Variants in ZNF717 observed in about 807,000 individuals in gnomAD.
ZNF717 encodes the protein zinc finger protein 717.
Under a neutral mutation model 13.8 loss-of-function variants are expected in ZNF717, and 9 were observed. That is an observed-to-expected ratio of 0.65 (90% CI 0.39 to 1.14). The LOEUF (loss-of-function observed/expected upper bound fraction) is 1.14. Ranked by LOEUF, ZNF717 falls within the 50% of genes most tolerant of loss-of-function variation. ZNF717 has a pLI of 0.01. For missense variants in ZNF717, 1,040 were observed against 1,080.7 expected (o/e 0.96, Z 0.53); for synonymous variants, 327 against 364.1 (o/e 0.90, Z 1.16).
intron 2 of ZNF717, among the ~76,000 whole-genome samples, chr3:75,768,305 G>A (rs528677233): frequency 1.7e-4 from 18 of 108,692 alleles, no homozygotes; most frequent in Admixed American, 6.3e-4. Flanking sequence ...TGAGTGTGTC[G>A]GGGGGCAGAT....
At chr3:75,756,074 C>T (rs929199686) in intron 2 of ZNF717, among the ~76,000 whole-genome samples, 4 of 152,256 alleles carry the variant, frequency 2.6e-5, no homozygotes, top group Non-Finnish European at 5.9e-5. Flanking sequence ...CACCATTTTT[C>T]CTACAGCACG....
At chr3:75,718,887 C>T (rs1653845769) in intron 4 of ZNF717, among the ~76,000 whole-genome samples, 2 of 152,108 alleles carry the variant, frequency 1.3e-5, no homozygotes, top group African/African-American at 4.8e-5. Context: ...GGGATGGGGA[C>T]CACTGAGTTA....
At chr3:75,750,797 A>G (rs1187308306) in intron 2 of ZNF717, among the ~76,000 whole-genome samples, 1 of 151,804 alleles carries the variant, frequency 6.6e-6, no homozygotes, top group Non-Finnish European at 1.5e-5. Flanking sequence ...TCTCCCTCAC[A>G]TAGGATTCCA....
chr3:75,698,064 G>A (rs796302075), intron 6 of ZNF717, among the ~76,000 whole-genome samples: 1 of 152,284 alleles, frequency 6.6e-6, no homozygotes, highest in Admixed American at 6.5e-5. Flanking sequence ...ATGATTTAGG[G>A]TTTCTGTTGG....
At chr3:75,765,252 T>C (rs372364193) in intron 2 of ZNF717, among the ~76,000 whole-genome samples, 3 of 101,582 alleles carry the variant, frequency 3.0e-5, no homozygotes, top group Admixed American at 2.1e-4. Context: ...AGTTGTTGAA[T>C]GGGTATAGAG....
chr3:75,717,083 C>T (rs1575719533), intron 4 of ZNF717, among the ~76,000 whole-genome samples: 1 of 152,204 alleles, frequency 6.6e-6, no homozygotes, highest in African/African-American at 2.4e-5. Context: ...AGGTTTTGCA[C>T]AATTTGGGGA....
Position 75,736,680 on chromosome 3 carries a change from A to AT in ZNF717, c.*197dup. The stretch of plus-strand genomic sequence containing the variant: ...TATATGAGCTTCTAGGAAAACAGCC[A>AT]TATCTGTGACATTAAAGTGCAAAGT... On this transcript the variant is annotated 3_prime_UTR_variant, in exon 5 of 5. Transcript: ENST00000652011. The AT allele has an allele frequency of 1.7e-6, 1 of 576,530 alleles. No homozygotes were observed. The highest frequency in any genetic ancestry group is 2.8e-5 in the East Asian group (1 of 35,220). The allele number at this position is 576,530 out of a possible 1,614,324, so 35.7% of individuals were successfully genotyped here. A position where few individuals can be genotyped will look rare whatever the true frequency, so the allele number is the denominator to read the frequency against.
intron 2 of ZNF717, among the ~76,000 whole-genome samples, chr3:75,751,359 T>G (rs1435964323): frequency 9.9e-5 from 15 of 151,450 alleles, no homozygotes; most frequent in Non-Finnish European, 1.9e-4. Context: ...AGCATCTGAA[T>G]GCTTGTCCCT....
intron 5 of ZNF717, among the ~76,000 whole-genome samples, chr3:75,713,283 T>A (rs1157313102): frequency 1.4e-4 from 21 of 152,170 alleles, no homozygotes; most frequent in African/African-American, 4.8e-4. Context: ...CCCCAGTAGC[T>A]GGGACTACAG....
At chr3:75,756,500 ATT>A (rs1942488716) in intron 2 of ZNF717, among the ~76,000 whole-genome samples, 1 of 138,800 alleles carries the variant, frequency 7.2e-6, no homozygotes, top group African/African-American at 2.6e-5. Flanking sequence ...ACTTAGCCAA[ATT>A]GTGAATGCAA....
chr3:75,697,500 CCT>C (rs1435923688), intron 6 of ZNF717, among the ~76,000 whole-genome samples: 141 of 150,446 alleles, frequency 9.4e-4, no homozygotes, highest in Non-Finnish European at 1.5e-3. Context: ...ACAACTTGCA[CCT>C]CTGTTTTTCA....
chr3:75,754,218 A>C (rs1480065351), intron 2 of ZNF717, among the ~76,000 whole-genome samples: 4 of 152,230 alleles, frequency 2.6e-5, no homozygotes, highest in Non-Finnish European at 5.9e-5. Context: ...TAGCCACCTA[A>C]AGAGAAGAAG....
At chr3:75,727,626 T>C (rs1332566941), downstream of ZNF717, among the ~76,000 whole-genome samples, 2 of 152,234 alleles carry the variant, frequency 1.3e-5, no homozygotes, top group African/African-American at 4.8e-5. Flanking sequence ...GATTGGGAAA[T>C]TCCAGCCTGG....
At chr3:75,763,919 C>T (rs1385754511) in intron 2 of ZNF717, among the ~76,000 whole-genome samples, 1 of 152,198 alleles carries the variant, frequency 6.6e-6, no homozygotes, top group African/African-American at 2.4e-5. Flanking sequence ...TCTAAAGCAA[C>T]AGCCTAGTGC....
At chr3:75,724,416 T>C (rs74771059) in intron 4 of ZNF717, among the ~76,000 whole-genome samples, 1 of 150,608 alleles carries the variant, frequency 6.6e-6, no homozygotes, top group African/African-American at 2.4e-5. Flanking sequence ...CCCTGGCTAA[T>C]ATTTTTTGTA....
At chr3:75,742,185 A>G (rs1285503980) in intron 2 of ZNF717, among the ~76,000 whole-genome samples, 1 of 149,146 alleles carries the variant, frequency 6.7e-6, no homozygotes, top group South Asian at 2.1e-4. Flanking sequence ...AAATATAGGC[A>G]TAATGCTGCA....
At chr3:75,765,001 ATATATATAT>A in intron 2 of ZNF717, among the ~76,000 whole-genome samples, 1 of 25,254 alleles carries the variant, frequency 4.0e-5, no homozygotes, top group African/African-American at 1.3e-4. Flanking sequence ...ATATATATAT[ATATATATAT>A]ATATATATAT....
intron 6 of ZNF717, among the ~76,000 whole-genome samples, chr3:75,702,957 A>G (rs1039367022): frequency 2.2e-3 from 325 of 146,094 alleles, no homozygotes; most frequent in South Asian, 9.3e-3. Flanking sequence ...TTTAATCCTA[A>G]GCCATAGCTC....
chr3:75,760,328 G>C (rs1414127856), intron 2 of ZNF717, among the ~76,000 whole-genome samples: 2 of 152,252 alleles, frequency 1.3e-5, no homozygotes, highest in Admixed American at 1.3e-4. Context: ...GCAGGTGTGA[G>C]CCACTGTGCC....
Sources: allele counts gnomAD v4.1 joint callset (sites outside exome capture counted in the v4.1 genomes callset), GRCh38; gene constraint gnomAD v4.1.1; transcripts MANE v1.5; gene names NCBI Gene and HGNC (gene_info 2026-07-23, HGNC 2026-07-21).